Variants in MEI4 observed in about 807,000 individuals in gnomAD.
MEI4 encodes meiotic double-stranded break formation protein 4, also known as meiosis-specific protein MEI4.
MEI4 carries 27 observed loss-of-function variants against 31.4 expected under a neutral mutation model. The observed-to-expected ratio is 0.86, with a 90% CI of 0.63 to 1.19. MEI4 has a LOEUF of 1.19. MEI4 is among the 50% of genes most tolerant of loss of function. The pLI, the probability that MEI4 is intolerant of heterozygous loss-of-function variation, is 0.00. For synonymous variants in MEI4, 122 were observed against 145.4 expected (o/e 0.84, Z 1.16); for missense variants, 329 against 398.9 (o/e 0.82, Z 1.49).
intron 3 of MEI4, among the ~76,000 whole-genome samples, chr6:77,806,314 A>C (rs2127703076): frequency 6.6e-6 from 1 of 152,260 alleles, no homozygotes; most frequent in Non-Finnish European, 1.5e-5. Context: ...AGTGTCTCTC[A>C]GTGTCTATAA....
At chr6:77,905,347 C>G (rs1157695369) in intron 4 of MEI4, among the ~76,000 whole-genome samples, 3 of 151,640 alleles carry the variant, frequency 2.0e-5, no homozygotes, top group Non-Finnish European at 4.4e-5. Flanking sequence ...CTCTCTTTGA[C>G]TTTGATTTTT....
intron 4 of MEI4, 60 bp from the exon 5 acceptor site, chr6:77,923,029 G>A: frequency 1.9e-6 from 2 of 1,035,198 alleles, no homozygotes; most frequent in South Asian, 4.9e-5. Flanking sequence ...ATCTTTATAT[G>A]ACATTTTTCT....
intron 4 of MEI4, among the ~76,000 whole-genome samples, chr6:77,885,096 G>GTT (rs35103652): frequency 6.6e-6 from 1 of 151,380 alleles, no homozygotes; most frequent in Admixed American, 6.6e-5. Context: ...ATACCTAGGT[G>GTT]TTTTTTGTGT....
intron 4 of MEI4, among the ~76,000 whole-genome samples, chr6:77,865,694 A>C (rs889241259): frequency 3.3e-5 from 5 of 152,286 alleles, no homozygotes; most frequent in Admixed American, 1.3e-4. Context: ...ATTCCAATCA[A>C]TAGAAAAAGA....
At chr6:77,718,433 G>T (rs1274842088) in intron 2 of MEI4, among the ~76,000 whole-genome samples, 2 of 147,882 alleles carry the variant, frequency 1.4e-5, no homozygotes, top group East Asian at 4.0e-4. Flanking sequence ...CCACAATCTT[G>T]TAGAATTTTT....
chr6:77,714,237 T>TA (rs1318562647), intron 2 of MEI4, among the ~76,000 whole-genome samples: 12 of 132,712 alleles, frequency 9.0e-5, no homozygotes, highest in Middle Eastern at 3.9e-3. Flanking sequence ...CTTAAAAATT[T>TA]AAAAAAAAAA....
intron 1 of MEI4, among the ~76,000 whole-genome samples, chr6:77,664,239 T>C (rs1186765993): frequency 6.6e-6 from 1 of 152,014 alleles, no homozygotes; most frequent in Non-Finnish European, 1.5e-5. Context: ...TATTTAATGT[T>C]GGGAGCAGAT....
chr6:77,755,854 G>GCGTA (rs1554161626), intron 2 of MEI4, among the ~76,000 whole-genome samples: 1 of 150,998 alleles, frequency 6.6e-6, no homozygotes, highest in Non-Finnish European at 1.5e-5. Context: ...GTGTGTGTGT[G>GCGTA]TATTTTACCT....
chr6:77,893,227 C>T (rs553101935), intron 4 of MEI4, among the ~76,000 whole-genome samples: 112 of 152,224 alleles, frequency 7.4e-4, no homozygotes, highest in African/African-American at 2.6e-3. Context: ...TGCCAGGTGC[C>T]ACTTGACAGC....
chr6:77,692,500 G>T (rs1769176016), intron 2 of MEI4, among the ~76,000 whole-genome samples: 1 of 151,970 alleles, frequency 6.6e-6, no homozygotes, highest in Non-Finnish European at 1.5e-5. Context: ...GTGATTTGAG[G>T]CAGGGATACC....
intron 4 of MEI4, among the ~76,000 whole-genome samples, chr6:77,858,249 G>A (rs191218474): frequency 1.4e-3 from 218 of 152,176 alleles, no homozygotes; most frequent in Non-Finnish European, 2.8e-3. Flanking sequence ...AAAAGAGTTG[G>A]ACTTTTATTT....
At chr6:77,727,575 G>C (rs763453409) in intron 2 of MEI4, among the ~76,000 whole-genome samples, 2 of 152,142 alleles carry the variant, frequency 1.3e-5, no homozygotes, top group Non-Finnish European at 2.9e-5. Context: ...TCTGAAGTTT[G>C]TGCTTTCTTG....
At chr6:77,698,664 T>C (rs11962967) in intron 2 of MEI4, among the ~76,000 whole-genome samples, 22,603 of 152,242 alleles carry the variant, frequency 0.15, 1,815 homozygotes, top group East Asian at 0.27. Flanking sequence ...TTTCCCCTTG[T>C]GGGTAACCAT....
At chr6:77,666,812 TC>T (rs1349017147) in intron 1 of MEI4, among the ~76,000 whole-genome samples, 9 of 152,096 alleles carry the variant, frequency 5.9e-5, no homozygotes, top group Non-Finnish European at 1.3e-4. Flanking sequence ...AAAACACAAC[TC>T]CTTTATCTGT....
chr6:77,830,928 T>G (rs1161152992), intron 4 of MEI4, among the ~76,000 whole-genome samples: 1 of 152,000 alleles, frequency 6.6e-6, no homozygotes, highest in Non-Finnish European at 1.5e-5. Flanking sequence ...AAAATGCTTC[T>G]GCACAGCAAA....
intron 2 of MEI4, among the ~76,000 whole-genome samples, chr6:77,737,947 G>A (rs1230107111): frequency 6.6e-6 from 1 of 152,178 alleles, no homozygotes; most frequent in Non-Finnish European, 1.5e-5. Context: ...TATTGAGATA[G>A]TAGCAAGGAA....
At chr6:77,849,997 G>A (rs2127717870) in intron 4 of MEI4, among the ~76,000 whole-genome samples, 1 of 152,268 alleles carries the variant, frequency 6.6e-6, no homozygotes, top group South Asian at 2.1e-4. Flanking sequence ...TTTTATGTCT[G>A]TTTTATGTTA....
At chr6:77,693,851 A>C (rs1188649693) in intron 2 of MEI4, among the ~76,000 whole-genome samples, 1 of 152,096 alleles carries the variant, frequency 6.6e-6, no homozygotes, top group Non-Finnish European at 1.5e-5. Context: ...ATATTATTAC[A>C]TATTTTTTCT....
chr6:77,820,666 T>C lies in MEI4; in HGVS notation c.769-8265T>C, dbSNP rs75587634. ...TTATTTTCTCTTTGTTCTTGAAGGATAGTTCTAGTGGGTACACAATTATAA... is the reference window on the plus strand; with the variant it reads ...TTATTTTCTCTTTGTTCTTGAAGGACAGTTCTAGTGGGTACACAATTATAA... On this transcript the variant is annotated intron_variant, in intron 3 of 4. Transcript: ENST00000684080. The surrounding 1 kb of genome is among the most constrained non-coding windows in gnomAD (Gnocchi z 4.5). 0.032 allele frequency among the ~76,000 whole-genome samples: 4,868 copies of C among 152,190 alleles called. 267 individuals carry two copies. The highest frequency in any genetic ancestry group is 0.11 in the African/African-American group (4,564 of 41,494).
Sources: gnomAD v4.1 joint callset for allele counts (sites outside exome capture counted in the v4.1 genomes callset) on GRCh38, gnomAD v4.1.1 for gene constraint, Gnocchi (gnomAD v3.1) non-coding constraint, MANE v1.5 for transcripts, NCBI Gene and HGNC (gene_info 2026-07-23, HGNC 2026-07-21) for gene names.